CDC42SE2: variants seen among roughly 807,000 people sequenced by gnomAD.
CDC42SE2 encodes CDC42 small effector protein 2.
CDC42SE2 carries 3 observed loss-of-function variants against 11.5 expected under a neutral mutation model. The ratio of observed to expected loss-of-function variants is 0.26; its 90% CI spans 0.12 to 0.67. The LOEUF (loss-of-function observed/expected upper bound fraction) is 0.67, where lower values mean the gene tolerates loss of function less well. CDC42SE2 is among the 30% of genes least tolerant of loss of function. The pLI is 0.80. For missense variants in CDC42SE2, 82 were observed against 106.8 expected (o/e 0.77, Z 1.02); for synonymous variants, 33 against 34.8 (o/e 0.95, Z 0.18).
At chr5:131,279,385 A>C (rs1476493143) in intron 1 of CDC42SE2, among the ~76,000 whole-genome samples, 1 of 152,104 alleles carries the variant, frequency 6.6e-6, no homozygotes, top group Non-Finnish European at 1.5e-5. Context: ...GATTATTGAA[A>C]GGCGTTACTT....
At chr5:131,266,882 T>C (rs936818193) in intron 1 of CDC42SE2, among the ~76,000 whole-genome samples, 4 of 151,402 alleles carry the variant, frequency 2.6e-5, no homozygotes, top group Non-Finnish European at 4.4e-5. Context: ...ATGACAAACC[T>C]ACTTGTAAAT....
At chr5:131,306,726 G>A (rs905469591) in intron 1 of CDC42SE2, among the ~76,000 whole-genome samples, 9 of 152,102 alleles carry the variant, frequency 5.9e-5, no homozygotes, top group African/African-American at 1.7e-4. Flanking sequence ...CCCTGAACAT[G>A]GGATACCATT....
intron 1 of CDC42SE2, among the ~76,000 whole-genome samples, chr5:131,289,242 A>G (rs952868319): frequency 2.6e-5 from 4 of 152,220 alleles, no homozygotes; most frequent in African/African-American, 7.2e-5. Flanking sequence ...CTCATAGTCA[A>G]ACCAGCCAAA....
In CDC42SE2 at chr5:131,355,596, A is replaced by G. The variant is rs576747425; in HGVS notation, c.-285-3613A>G. Among the ~76,000 whole-genome samples the G allele has an allele frequency of 5.9e-5, 9 of 152,316 alleles. No individual in the cohort carries two copies. The South Asian group carries it at 1.2e-3, about 21-fold the overall frequency. On this transcript the variant is annotated intron_variant, in intron 2 of 4. Coordinates refer to ENST00000505065, the MANE Select transcript of CDC42SE2 (RefSeq NM_001375635.1). Reference sequence around the variant, plus strand: ...CTAACATTTCTAAAAAATTAGTGCTATAACTGTCACAGATCTTTTATTTCA... The same window carrying G: ...CTAACATTTCTAAAAAATTAGTGCTGTAACTGTCACAGATCTTTTATTTCA...
chr5:131,319,467 C>T (rs1758115031), intron 2 of CDC42SE2, among the ~76,000 whole-genome samples: 1 of 152,134 alleles, frequency 6.6e-6, no homozygotes, highest in Non-Finnish European at 1.5e-5. Context: ...CCCCCATAGA[C>T]AGAGCTTGCA....
chr5:131,277,758 C>T (rs1373313933), intron 1 of CDC42SE2, among the ~76,000 whole-genome samples: 1 of 152,148 alleles, frequency 6.6e-6, no homozygotes, highest in Admixed American at 6.5e-5. Flanking sequence ...TAAATATCAC[C>T]TCCTGCTTCC....
chr5:131,314,039 G>T (rs527497536), intron 1 of CDC42SE2, among the ~76,000 whole-genome samples: 2 of 152,052 alleles, frequency 1.3e-5, no homozygotes, highest in African/African-American at 4.8e-5. Flanking sequence ...TCTACAAAAA[G>T]GTCAGCTGGG....
At chr5:131,215,876 T>C in the CDC42SE2 span, among the ~76,000 whole-genome samples, 1 of 152,254 alleles carries the variant, frequency 6.6e-6, no homozygotes, top group East Asian at 1.9e-4. Flanking sequence ...CTTGAAGTGA[T>C]GCTTTAAACT....
At chr5:131,293,795 C>T (rs189880861) in intron 1 of CDC42SE2, among the ~76,000 whole-genome samples, 453 of 152,318 alleles carry the variant, frequency 3.0e-3, no homozygotes, top group Middle Eastern at 0.01. Flanking sequence ...TTCTCCCCTT[C>T]CCAATGAACA....
intron 1 of CDC42SE2, among the ~76,000 whole-genome samples, chr5:131,288,498 C>T (rs899997155): frequency 4.6e-5 from 7 of 151,942 alleles, no homozygotes; most frequent in Admixed American, 1.3e-4. Context: ...ACTGTAATTT[C>T]GATTCCTTTT....
At chr5:131,304,723 A>G (rs765883324) in intron 1 of CDC42SE2, among the ~76,000 whole-genome samples, 1 of 152,064 alleles carries the variant, frequency 6.6e-6, no homozygotes, top group Non-Finnish European at 1.5e-5. Flanking sequence ...TTTCTTTGTG[A>G]TTAGTAATCG....
In CDC42SE2 at chr5:131,292,621, G is replaced by C. The variant is rs531463006; in HGVS notation, c.-454-23355G>C. 9.9e-5 allele frequency among the ~76,000 whole-genome samples: 15 copies of C among 151,090 alleles called. No homozygotes were observed. The South Asian group carries it at 2.9e-3, about 29-fold the overall frequency. ...AATTTAAAAGTACACAGTTAGGGCTGGGTGTGGTGGCTTGTGCCTGTAATC... is the reference window on the plus strand; with the variant it reads ...AATTTAAAAGTACACAGTTAGGGCTCGGTGTGGTGGCTTGTGCCTGTAATC... On this transcript the variant is annotated intron_variant, in intron 1 of 4. Coordinates refer to ENST00000505065, the MANE Select transcript of CDC42SE2 (RefSeq NM_001375635.1).
chr5:131,361,621 G>C (rs1314569490), intron 3 of CDC42SE2, among the ~76,000 whole-genome samples: 1 of 152,194 alleles, frequency 6.6e-6, no homozygotes, highest in Admixed American at 6.5e-5. Context: ...AGGGACAGAA[G>C]GCTTTCTGTA....
the CDC42SE2 span, among the ~76,000 whole-genome samples, chr5:131,222,098 G>A: frequency 5.9e-5 from 9 of 152,294 alleles, no homozygotes; most frequent in Admixed American, 1.3e-4. Flanking sequence ...TCACATGGGT[G>A]AGTGTTTCAG....
intron 1 of CDC42SE2, among the ~76,000 whole-genome samples, chr5:131,309,824 GA>G (rs1561579744): frequency 1.3e-5 from 2 of 152,082 alleles, no homozygotes; most frequent in East Asian, 3.8e-4. Flanking sequence ...GGGTCTATTT[GA>G]TTCTTCTCTC....
chr5:131,235,102 G>T, the CDC42SE2 span, among the ~76,000 whole-genome samples: 1 of 151,886 alleles, frequency 6.6e-6, no homozygotes, highest in Non-Finnish European at 1.5e-5. Flanking sequence ...TGTTGGCCAT[G>T]CTGTTCTCAA....
intron 2 of CDC42SE2, among the ~76,000 whole-genome samples, chr5:131,338,216 C>T (rs1758623930): frequency 6.6e-6 from 1 of 152,216 alleles, no homozygotes; most frequent in Non-Finnish European, 1.5e-5. Flanking sequence ...GGCCAGTAGG[C>T]ACCTCTTGTT....
intron 3 of CDC42SE2, among the ~76,000 whole-genome samples, chr5:131,377,412 G>A (rs181489172): frequency 2.6e-5 from 4 of 151,828 alleles, no homozygotes; most frequent in Admixed American, 2.0e-4. Context: ...CAGGCAGTCC[G>A]CCCGCCTCAG....
intron 2 of CDC42SE2, among the ~76,000 whole-genome samples, chr5:131,257,512 CTG>C (rs1756687855): frequency 6.7e-6 from 1 of 148,342 alleles, no homozygotes; most frequent in African/African-American, 2.5e-5. Flanking sequence ...GAGTCTTGCT[CTG>C]TCACCCAGGC....
Sources: gnomAD v4.1 joint callset for allele counts (sites outside exome capture counted in the v4.1 genomes callset) on GRCh38, gnomAD v4.1.1 for gene constraint, MANE v1.5 for transcripts, NCBI Gene and HGNC (gene_info 2026-07-23, HGNC 2026-07-21) for gene names.